The following DENND1A variants were observed in gnomAD, a reference collection of about 807,000 sequenced individuals.
The protein encoded by DENND1A is DENN domain containing 1A, also known as DENN domain-containing protein 1A.
Under a neutral mutation model 113.7 loss-of-function variants are expected in DENND1A, and 51 were observed. The observed-to-expected ratio is 0.45, with a 90% CI of 0.36 to 0.57. DENND1A has a LOEUF of 0.57. Ranked by LOEUF, DENND1A falls within the 20% of genes least tolerant of loss-of-function variation. DENND1A has a pLI of 0.00. For missense variants in DENND1A, 1,258 were observed against 1,395.9 expected, an observed-to-expected ratio of 0.90 and a Z score of 1.57; for synonymous variants, 565 against 570.8, an observed-to-expected ratio of 0.99 and a Z score of 0.14.
At chr9:123,903,161 T>C (rs1201338883) in intron 1 of DENND1A, among the ~76,000 whole-genome samples, 1 of 149,494 alleles carries the variant, frequency 6.7e-6, no homozygotes, top group Non-Finnish European at 1.5e-5. Context: ...TGAAACCCCA[T>C]CTCTACTAAA....
chr9:123,552,718 CTGT>C (rs1382554917), intron 13 of DENND1A, among the ~76,000 whole-genome samples: 7 of 152,364 alleles, frequency 4.6e-5, no homozygotes, highest in African/African-American at 1.7e-4. Context: ...CAGTGACCTA[CTGT>C]TCTCAGGCCC....
chr9:123,451,613 C>T (rs1234272843), intron 17 of DENND1A, among the ~76,000 whole-genome samples: 1 of 152,158 alleles, frequency 6.6e-6, no homozygotes. Context: ...TTTATTTTGA[C>T]CCAATAATGG....
intron 13 of DENND1A, among the ~76,000 whole-genome samples, chr9:123,557,238 G>A (rs1186155670): frequency 6.6e-6 from 1 of 152,152 alleles, no homozygotes; most frequent in Non-Finnish European, 1.5e-5. Context: ...GCTGATCACC[G>A]CTACTGCACA....
chr9:123,454,275 C>T (rs988479730), intron 16 of DENND1A, among the ~76,000 whole-genome samples: 1 of 152,174 alleles, frequency 6.6e-6, no homozygotes, highest in Non-Finnish European at 1.5e-5. Context: ...TCTTTAGAGA[C>T]GTTGGAAGCC....
intron 10 of DENND1A, among the ~76,000 whole-genome samples, chr9:123,614,211 G>A (rs2060540153): frequency 6.6e-6 from 1 of 152,184 alleles, no homozygotes; most frequent in East Asian, 1.9e-4. Flanking sequence ...TACTTCAGAC[G>A]CAAGGCTGCT....
At chr9:123,572,891 C>G (rs1001115493) in intron 12 of DENND1A, among the ~76,000 whole-genome samples, 1 of 151,988 alleles carries the variant, frequency 6.6e-6, no homozygotes, top group African/African-American at 2.4e-5. Flanking sequence ...AGGATTCCCT[C>G]TCATATTTTT....
intron 10 of DENND1A, among the ~76,000 whole-genome samples, chr9:123,621,225 G>A (rs1213807827): frequency 1.4e-5 from 2 of 144,470 alleles, no homozygotes; most frequent in East Asian, 4.0e-4. Flanking sequence ...TTGCTCTACT[G>A]CCCAGGCTGG....
At position 123,676,747 on chromosome 9, in the gene DENND1A, G is replaced by A. The variant is rs750619127; in HGVS notation, c.345C>T (p.Ile115=). ...GTCTTTTTGTCGTGTAATCTGCCAG[G>A]ATGTTAAGCAGCTTATAAAATACCT... ...WFEVFYKLLN[I]LADYTTKRQE... The change falls in exon 6 of 24, where the codon ATC becomes ATT. Residue 115 remains isoleucine (I), a synonymous_variant. Coordinates refer to ENST00000394215, the MANE Select transcript of DENND1A (RefSeq NM_001352964.2). The A allele has an allele frequency of 6.2e-7, 1 of 1,613,960 alleles. No individual in the cohort carries two copies. Among genetic ancestry groups the A allele is most frequent in the Admixed American group, 1.7e-5 (1 of 60,016 alleles).
At chr9:123,842,888 A>C (rs1380755924) in intron 2 of DENND1A, 1 of 239,448 alleles carries the variant, frequency 4.2e-6, no homozygotes, top group Non-Finnish European at 8.4e-6. Context: ...AAAGGAATAC[A>C]CACCATGACC....
At chr9:123,577,297 G>A (rs1215944803) in intron 12 of DENND1A, among the ~76,000 whole-genome samples, 1 of 151,556 alleles carries the variant, frequency 6.6e-6, no homozygotes, top group Non-Finnish European at 1.5e-5. Context: ...CATTCTAGGT[G>A]TATTTGTTGC....
At chr9:123,629,561 G>A (rs1356494655) in intron 10 of DENND1A, among the ~76,000 whole-genome samples, 1 of 152,172 alleles carries the variant, frequency 6.6e-6, no homozygotes, top group Non-Finnish European at 1.5e-5. Context: ...TTTCATCTTT[G>A]TATGATTATG....
At chr9:123,763,311 G>C (rs2071202297) in intron 4 of DENND1A, among the ~76,000 whole-genome samples, 1 of 152,066 alleles carries the variant, frequency 6.6e-6, no homozygotes, top group Non-Finnish European at 1.5e-5. Context: ...AGATGGAGAG[G>C]GATGGATAGT....
chr9:123,912,218 T>C (rs1854127768), intron 1 of DENND1A, among the ~76,000 whole-genome samples: 1 of 152,016 alleles, frequency 6.6e-6, no homozygotes, highest in Admixed American at 6.6e-5. Flanking sequence ...AAATCTACAT[T>C]AGAAATAACA....
chr9:123,641,835 C>T (rs1220002140), intron 9 of DENND1A, among the ~76,000 whole-genome samples: 1 of 152,176 alleles, frequency 6.6e-6, no homozygotes, highest in East Asian at 1.9e-4. Context: ...ATACACATTC[C>T]ATGGTTCCAT....
chr9:123,852,501 AAAGT>A (rs1269291337), intron 2 of DENND1A, among the ~76,000 whole-genome samples: 1 of 152,214 alleles, frequency 6.6e-6, no homozygotes, highest in African/African-American at 2.4e-5. Flanking sequence ...CCTCAAAAAG[AAAGT>A]GTTTTATTTA....
intron 6 of DENND1A, among the ~76,000 whole-genome samples, chr9:123,674,348 A>T (rs888153226): frequency 0.04 from 3,515 of 88,128 alleles, 46 homozygotes; most frequent in African/African-American, 0.062. Flanking sequence ...TCTCTCACAC[A>T]CACACACACA....
At chr9:123,854,771 G>A (rs1843908276) in intron 2 of DENND1A, among the ~76,000 whole-genome samples, 1 of 150,318 alleles carries the variant, frequency 6.7e-6, no homozygotes, top group African/African-American at 2.5e-5. Flanking sequence ...TAAGCAAATG[G>A]TTACCAGTTC....
intron 20 of DENND1A, among the ~76,000 whole-genome samples, chr9:123,407,685 G>A (rs2043986290): frequency 6.6e-6 from 1 of 152,154 alleles, no homozygotes; most frequent in Non-Finnish European, 1.5e-5. Context: ...TCCCAGCCGC[G>A]TCCGGGGAGA....
At chr9:123,911,566 G>T (rs1853969408) in intron 1 of DENND1A, among the ~76,000 whole-genome samples, 1 of 152,116 alleles carries the variant, frequency 6.6e-6, no homozygotes, top group East Asian at 1.9e-4. Context: ...CAACACAGAT[G>T]AATTCTACCA....
Sources: gnomAD v4.1 joint callset for allele counts (sites outside exome capture counted in the v4.1 genomes callset) on GRCh38, gnomAD v4.1.1 for gene constraint, MANE v1.5 for transcripts, NCBI Gene and HGNC (gene_info 2026-07-23, HGNC 2026-07-21) for gene names.